PTPRD: variants seen among roughly 807,000 people sequenced by gnomAD.
PTPRD encodes receptor-type tyrosine-protein phosphatase delta.
In PTPRD, 34 loss-of-function variants were observed where a neutral mutation model predicts 214.5. The observed-to-expected ratio is 0.16, with a 90% CI of 0.12 to 0.21. PTPRD has a LOEUF of 0.21. PTPRD is among the 10% of genes least tolerant of loss of function. The pLI is 1.00. For missense variants in PTPRD, 2,545 were observed against 2,398.7 expected, an observed-to-expected ratio of 1.06 and a Z score of -1.27; for synonymous variants, 1,128 against 845.7, an observed-to-expected ratio of 1.33 and a Z score of -5.79.
At position 8,744,220 on chromosome 9, in the gene PTPRD, C is replaced by T. The variant is rs1374220299; in HGVS notation, c.-103-10274G>A. The stretch of plus-strand genomic sequence containing the variant: ...TGACAAGAATGTAAACTAGTAAAAC[C>T]GCTATGGAAAACGGTGTGAAGATTC... On this transcript the variant is annotated intron_variant, in intron 11 of 45. Transcript: ENST00000381196. Among the ~76,000 whole-genome samples, 6 of 152,120 alleles carry T rather than the reference C, an allele frequency of 3.9e-5. 1 individual carries two copies. The South Asian group carries it at 6.2e-4, about 16-fold the overall frequency.
chr9:8,748,451 C>G lies in PTPRD; in HGVS notation c.-103-14505G>C, dbSNP rs189287250. 8.6e-4 allele frequency among the ~76,000 whole-genome samples: 123 copies of G among 142,504 alleles called. 3 individuals are homozygous for G. Among genetic ancestry groups the G allele is most frequent in the East Asian group, 7.1e-3 (34 of 4,774 alleles). The allele number at this position is 142,504 out of a possible 152,430, so 93.5% of individuals were successfully genotyped here. On this transcript the variant is annotated intron_variant, in intron 11 of 45. Coordinates refer to ENST00000381196, the MANE Select transcript of PTPRD (RefSeq NM_002839.4). ...GCATTCGAGCCGGCAACAGCAACCCCCTTTGGGTCCCCTCCCTTTGTATGG... is the reference window on the plus strand; with the variant it reads ...GCATTCGAGCCGGCAACAGCAACCCGCTTTGGGTCCCCTCCCTTTGTATGG...
chr9:10,246,128 T>G (rs1403962120), intron 3 of PTPRD, among the ~76,000 whole-genome samples: 1 of 152,150 alleles, frequency 6.6e-6, no homozygotes, highest in Non-Finnish European at 1.5e-5. Flanking sequence ...ATCCAACTCT[T>G]AAATACAGCT....
intron 11 of PTPRD, among the ~76,000 whole-genome samples, chr9:8,805,873 T>C (rs951433647): frequency 6.7e-6 from 1 of 149,882 alleles, no homozygotes; most frequent in South Asian, 2.1e-4. Context: ...TGGACACCTA[T>C]AGTCCCAGCT....
rs146115684 is a variant in PTPRD at position 8,803,026 on chromosome 9, C to T, written c.-103-69080G>A. ...GAGCCACAACAGCACCATTGTACTCCGGCCTCGGCAACAGAGCAAGACCTC... is the reference window on the plus strand; with the variant it reads ...GAGCCACAACAGCACCATTGTACTCTGGCCTCGGCAACAGAGCAAGACCTC... On this transcript the variant is annotated intron_variant, in intron 11 of 45. Transcript: ENST00000381196. 9.9e-4 allele frequency among the ~76,000 whole-genome samples: 151 copies of T among 152,102 alleles called. 1 individual carries two copies. The highest frequency in any genetic ancestry group is 3.2e-3 in the African/African-American group (131 of 41,488).
At chr9:8,916,050 G>C (rs2098783610) in intron 11 of PTPRD, among the ~76,000 whole-genome samples, 1 of 152,224 alleles carries the variant, frequency 6.6e-6, no homozygotes, top group East Asian at 1.9e-4. Context: ...AGAACACTAA[G>C]GAAGCCCAAG....
intron 14 of PTPRD, among the ~76,000 whole-genome samples, chr9:8,574,286 ACTGT>A (rs1594239541): frequency 6.6e-6 from 1 of 152,024 alleles, no homozygotes; most frequent in South Asian, 2.1e-4. Flanking sequence ...ACTCTTTGGC[ACTGT>A]CTATCAATAA....
intron 9 of PTPRD, among the ~76,000 whole-genome samples, chr9:9,315,216 T>C (rs1045478369): frequency 1.3e-5 from 2 of 151,980 alleles, no homozygotes; most frequent in Non-Finnish European, 2.9e-5. Flanking sequence ...TGTTGTAATA[T>C]ATAACTCCCA....
intron 11 of PTPRD, among the ~76,000 whole-genome samples, chr9:8,967,873 A>C (rs953648145): frequency 3.3e-5 from 5 of 152,070 alleles, no homozygotes; most frequent in African/African-American, 1.2e-4. Context: ...ATTTAGCATT[A>C]GGTATATCTC....
chr9:9,048,494 G>C (rs145785828), intron 10 of PTPRD, among the ~76,000 whole-genome samples: 187 of 152,232 alleles, frequency 1.2e-3, no homozygotes, highest in African/African-American at 4.4e-3. Context: ...GAGATCTTGT[G>C]ATTTGTGAAA....
chr9:10,577,795 A>G (rs1183252657), intron 2 of PTPRD, among the ~76,000 whole-genome samples: 1 of 152,180 alleles, frequency 6.6e-6, no homozygotes, highest in Non-Finnish European at 1.5e-5. Context: ...ATATCACTAA[A>G]ATATTTTTGA....
At chr9:9,997,850 C>T (rs547147996) in intron 4 of PTPRD, among the ~76,000 whole-genome samples, 38 of 78,444 alleles carry the variant, frequency 4.8e-4, no homozygotes, top group Admixed American at 2.5e-3. Flanking sequence ...GGCATCATGG[C>T]CACCCCCAGA....
chr9:10,303,172 A>C (rs2095922088), intron 3 of PTPRD, among the ~76,000 whole-genome samples: 1 of 152,208 alleles, frequency 6.6e-6, no homozygotes, highest in Middle Eastern at 3.2e-3. Flanking sequence ...CTGAGTAAAC[A>C]ATGAAATTAA....
chr9:8,848,380 G>A (rs1331564539), intron 11 of PTPRD, among the ~76,000 whole-genome samples: 1 of 141,520 alleles, frequency 7.1e-6, no homozygotes, highest in Non-Finnish European at 1.5e-5. Flanking sequence ...CTGTTATACA[G>A]ACTAGAATGC....
At chr9:8,624,218 GA>G (rs1053277110) in intron 14 of PTPRD, among the ~76,000 whole-genome samples, 77 of 151,794 alleles carry the variant, frequency 5.1e-4, no homozygotes, top group African/African-American at 1.6e-3. Context: ...GTAACAGGGG[GA>G]AAAAAAGGAA....
chr9:8,359,126 A>AC (rs1564252805), intron 39 of PTPRD, among the ~76,000 whole-genome samples: 2 of 123,296 alleles, frequency 1.6e-5, no homozygotes, highest in Non-Finnish European at 1.5e-5. Flanking sequence ...AAAAAAACAA[A>AC]AAAAAAAAAA....
intron 10 of PTPRD, among the ~76,000 whole-genome samples, chr9:9,076,699 G>A (rs1196982695): frequency 6.6e-6 from 1 of 151,868 alleles, no homozygotes; most frequent in Non-Finnish European, 1.5e-5. Flanking sequence ...ATTCATCTGA[G>A]GATGGACATT....
chr9:8,756,378 A>T (rs1475698298), intron 11 of PTPRD, among the ~76,000 whole-genome samples: 1 of 152,206 alleles, frequency 6.6e-6, no homozygotes, highest in Non-Finnish European at 1.5e-5. Flanking sequence ...ATTGTTAAAC[A>T]TGCAAGATTT....
intron 22 of PTPRD, among the ~76,000 whole-genome samples, chr9:8,504,774 CT>C (rs1230374284): frequency 3.3e-5 from 5 of 152,150 alleles, no homozygotes; most frequent in African/African-American, 1.2e-4. Context: ...ACACCTGCCC[CT>C]GGTAGTGGAA....
At chr9:10,231,979 AGAGAGAGAGAGTGTGTGT>A (rs1299834400) in intron 3 of PTPRD, among the ~76,000 whole-genome samples, 1 of 115,040 alleles carries the variant, frequency 8.7e-6, no homozygotes, top group African/African-American at 3.6e-5. Context: ...AGAGAGAGAG[AGAGAGAGAGAGTGTGTGT>A]GTGTGTGTGT....
Sources: gnomAD v4.1 joint callset for allele counts (sites outside exome capture counted in the v4.1 genomes callset) on GRCh38, gnomAD v4.1.1 for gene constraint, MANE v1.5 for transcripts, NCBI Gene and HGNC (gene_info 2026-07-23, HGNC 2026-07-21) for gene names.